IQSEC3: variants seen among roughly 807,000 people sequenced by gnomAD.
IQSEC3 encodes the protein IQ motif and Sec7 domain ArfGEF 3.
Under a neutral mutation model 105.4 loss-of-function variants are expected in IQSEC3, and 50 were observed. That is an observed-to-expected ratio of 0.47 (90% CI 0.38 to 0.60). The LOEUF (loss-of-function observed/expected upper bound fraction) is 0.60, where lower values mean the gene tolerates loss of function less well. Among genes scored for constraint, IQSEC3 ranks in the 20% least tolerant of loss-of-function variants. The probability of loss-of-function intolerance (pLI) is 0.00; values close to 1 mark genes in which losing one functional copy is unlikely to be tolerated. For synonymous variants in IQSEC3, 708 were observed against 746.0 expected (o/e 0.95, Z 0.83); for missense variants, 1,415 against 1,630.0 (o/e 0.87, Z 2.27).
At chr12:134,130 C>T (rs1464567180) in intron 3 of IQSEC3, among the ~76,000 whole-genome samples, 1 of 152,194 alleles carries the variant, frequency 6.6e-6, no homozygotes. Context: ...AGCGGGAGAG[C>T]GTCTGCTGAG....
intron 5 of IQSEC3, among the ~76,000 whole-genome samples, chr12:151,871 C>G (rs1362540204): frequency 6.6e-6 from 1 of 152,258 alleles, no homozygotes; most frequent in African/African-American, 2.4e-5. Flanking sequence ...CTTTGGCCAC[C>G]TCCTACTCAT....
At chr12:120,911 G>A (rs531119486) in intron 2 of IQSEC3, among the ~76,000 whole-genome samples, 1 of 152,272 alleles carries the variant, frequency 6.6e-6, no homozygotes, top group African/African-American at 2.4e-5. Flanking sequence ...TCTCAAATGG[G>A]TGCCCCAGCC....
At chr12:97,364 G>C (rs952693576) in intron 1 of IQSEC3, among the ~76,000 whole-genome samples, 3 of 152,082 alleles carry the variant, frequency 2.0e-5, no homozygotes, top group Non-Finnish European at 2.9e-5. Context: ...TATGTAGTCA[G>C]ACATGTTTAT....
chr12:131,482 G>A (rs1865599333), intron 3 of IQSEC3, among the ~76,000 whole-genome samples: 1 of 152,234 alleles, frequency 6.6e-6, no homozygotes, highest in Admixed American at 6.5e-5. Context: ...GAGTCCCCAG[G>A]TCCTGCCAGG....
rs527595414 is a variant in IQSEC3, at chr12:152,274, G to A, written c.2154-4751G>A. Among the ~76,000 whole-genome samples the A allele has an allele frequency of 2.6e-5, 4 of 152,324 alleles. No individual in the cohort carries two copies. The highest frequency in any genetic ancestry group is 2.1e-4 in the South Asian group (1 of 4,828). On this transcript the variant is annotated intron_variant, in intron 5 of 13. Transcript: ENST00000538872. The surrounding 1 kb of genome is among the most constrained non-coding windows in gnomAD (Gnocchi z 4.8). Reference sequence around the variant, plus strand: ...CCTGCAGGGTGACCACAGAGCCCCCGTGCTGACTGCCCACGCATGCACCAA... The same window carrying A: ...CCTGCAGGGTGACCACAGAGCCCCCATGCTGACTGCCCACGCATGCACCAA...
intron 1 of IQSEC3, among the ~76,000 whole-genome samples, chr12:94,923 T>C (rs1864198879): frequency 6.6e-6 from 1 of 152,208 alleles, no homozygotes; most frequent in Non-Finnish European, 1.5e-5. Context: ...ATTCCAAACC[T>C]GTCCTGGGAC....
intron 2 of IQSEC3, among the ~76,000 whole-genome samples, chr12:107,388 C>T (rs1385971067): frequency 4.1e-5 from 6 of 147,652 alleles, no homozygotes; most frequent in Non-Finnish European, 7.4e-5. Flanking sequence ...GGTTTCCCTC[C>T]GGTAGTCTGT....
chr12:168,154 G>A (rs1370839696), intron 11 of IQSEC3, among the ~76,000 whole-genome samples: 10 of 152,174 alleles, frequency 6.6e-5, no homozygotes, highest in Non-Finnish European at 1.0e-4. Context: ...AAAGAGAAGC[G>A]GGAGGAGTGA....
chr12:103,739 C>CA (rs1388610377), intron 2 of IQSEC3, among the ~76,000 whole-genome samples: 77 of 1,256 alleles, frequency 0.061, 5 homozygotes, highest in South Asian at 0.15. Flanking sequence ...AGGTGGAGTT[C>CA]GGGGGGAGGC....
chr12:139,872 G>A (rs1391506690), intron 4 of IQSEC3: 1 of 153,170 alleles, frequency 6.5e-6, no homozygotes, highest in Non-Finnish European at 1.5e-5. Flanking sequence ...GTGTGAAGCA[G>A]GCAGAGGCAC....
At chr12:75,812 G>C (rs1351986397) in intron 1 of IQSEC3, among the ~76,000 whole-genome samples, 3 of 152,250 alleles carry the variant, frequency 2.0e-5, no homozygotes, top group Non-Finnish European at 4.4e-5. Context: ...GAAGAGTTGG[G>C]CAGAAGGGAG....
At chr12:136,940 C>G (rs570955954) in intron 3 of IQSEC3, among the ~76,000 whole-genome samples, 124 of 152,070 alleles carry the variant, frequency 8.2e-4, no homozygotes, top group Admixed American at 2.2e-3. Flanking sequence ...AGGAGAAAAC[C>G]CACGGACAGG....
chr12:111,336 T>G (rs1157765930), intron 2 of IQSEC3, among the ~76,000 whole-genome samples: 2 of 152,066 alleles, frequency 1.3e-5, no homozygotes, highest in Non-Finnish European at 2.9e-5. Context: ...ACAACAAACT[T>G]TATCATCTTT....
chr12:131,914 C>G (rs781845543), intron 3 of IQSEC3, among the ~76,000 whole-genome samples: 1 of 152,188 alleles, frequency 6.6e-6, no homozygotes, highest in Non-Finnish European at 1.5e-5. Flanking sequence ...GGAGCAGTTG[C>G]TCCATGCCAG....
rs1367044068 is a variant in IQSEC3 at position 176,016 on chromosome 12, C to T, written c.*983C>T. The T allele has an allele frequency of 6.7e-6, 1 of 149,520 alleles. No homozygotes were observed. Among genetic ancestry groups the T allele is most frequent in the Non-Finnish European group, 1.5e-5 (1 of 68,058 alleles). The allele number at this position is 149,520 out of a possible 1,614,324, so 9.3% of individuals were successfully genotyped here. On this transcript the variant is annotated 3_prime_UTR_variant, in exon 14 of 14. Coordinates refer to ENST00000538872, the MANE Select transcript of IQSEC3 (RefSeq NM_001170738.2). The surrounding 1 kb of genome is among the most constrained non-coding windows in gnomAD (Gnocchi z 4.0). The stretch of plus-strand genomic sequence containing the variant: ...GGCTCGGCCCGAGGCAGGGCTCCCT[C>T]CTGCATGAGTCTGTGGCCTCCAGGA...
chr12:172,003 G>T (rs1228729657), intron 13 of IQSEC3, among the ~76,000 whole-genome samples: 2 of 152,040 alleles, frequency 1.3e-5, no homozygotes, highest in Non-Finnish European at 1.5e-5. Flanking sequence ...TCTCCCACTG[G>T]GTCCTCTTGC....
At chr12:131,792 C>T (rs1865610571) in intron 3 of IQSEC3, among the ~76,000 whole-genome samples, 1 of 151,978 alleles carries the variant, frequency 6.6e-6, no homozygotes, top group Non-Finnish European at 1.5e-5. Context: ...GTGTAGGGGA[C>T]AGTGCAGGTT....
rs1457089849 is a variant in IQSEC3 at position 107,451 on chromosome 12, T to C, written c.623+8237T>C. Among the ~76,000 whole-genome samples, 13 of 128,948 alleles carry C rather than the reference T, an allele frequency of 1.0e-4. No individual in the cohort carries two copies. In the South Asian group the frequency reaches 1.1e-3, roughly 11 times the overall value. The allele number at this position is 128,948 out of a possible 152,430, so 84.6% of individuals were successfully genotyped here. A position where few individuals can be genotyped will look rare whatever the true frequency, so the allele number is the denominator to read the frequency against. ...TTGAGACGGAGTCTTGCTCTGTGGC[T>C]CAGGCTGGGGTGCAGTGGCACAATC... is the stretch of plus-strand genomic sequence containing the variant. On this transcript the variant is annotated intron_variant, in intron 2 of 13. Coordinates refer to ENST00000538872, the MANE Select transcript of IQSEC3 (RefSeq NM_001170738.2).
intron 11 of IQSEC3, 157 bp from the exon 12 acceptor site, chr12:168,856 T>G (rs537681829): frequency 1.5e-6 from 1 of 665,578 alleles, no homozygotes; most frequent in African/African-American, 1.8e-5. Flanking sequence ...TAACTTGCTA[T>G]TCAGTGGTGG....
Sources: gnomAD v4.1 joint callset for allele counts (sites outside exome capture counted in the v4.1 genomes callset) on GRCh38, gnomAD v4.1.1 for gene constraint, Gnocchi (gnomAD v3.1) non-coding constraint, MANE v1.5 for transcripts, NCBI Gene and HGNC (gene_info 2026-07-23, HGNC 2026-07-21) for gene names.